The following FCHSD2 variants were observed in gnomAD, a reference collection of about 807,000 sequenced individuals.
FCHSD2 encodes the protein FCH and double SH3 domains 2, also known as F-BAR and double SH3 domains protein 2.
In FCHSD2, 38 loss-of-function variants were observed where a neutral mutation model predicts 108.1. That is an observed-to-expected ratio of 0.35 (90% CI 0.27 to 0.46). FCHSD2 has a LOEUF of 0.46. Among genes scored for constraint, FCHSD2 ranks in the 20% least tolerant of loss-of-function variants. The probability of loss-of-function intolerance (pLI) is 1.00; values close to 1 mark genes in which losing one functional copy is unlikely to be tolerated. For synonymous variants in FCHSD2, 279 were observed against 314.7 expected (o/e 0.89, Z 1.20); for missense variants, 751 against 897.8 (o/e 0.84, Z 2.09).
intron 2 of FCHSD2, among the ~76,000 whole-genome samples, chr11:73,096,987 A>AATTTTTTTTTTTTTTTTTTTTTTTT (rs1860095700): frequency 3.7e-5 from 1 of 27,020 alleles, no homozygotes; most frequent in African/African-American, 2.0e-4. Flanking sequence ...TCATTGATGG[A>AATTTTTTTTTTTTTTTTTTTTTTTT]TTTTTTTTTT....
At chr11:72,959,951 G>A (rs1309440463) in intron 8 of FCHSD2, among the ~76,000 whole-genome samples, 8 of 151,570 alleles carry the variant, frequency 5.3e-5, no homozygotes, top group Non-Finnish European at 1.2e-4. Flanking sequence ...TGAGGAAGAT[G>A]GTTTTAAAAG....
intron 8 of FCHSD2, among the ~76,000 whole-genome samples, chr11:72,958,601 G>A (rs1856760221): frequency 6.6e-6 from 1 of 152,102 alleles, no homozygotes; most frequent in Non-Finnish European, 1.5e-5. Flanking sequence ...TCTAATAAGT[G>A]AGTATTTCAA....
rs751804851 is a variant in FCHSD2 at position 73,073,511 on chromosome 11, A to G, written c.165+10184T>C. Among the ~76,000 whole-genome samples the G allele has an allele frequency of 2.1e-4, 32 of 152,178 alleles. 1 individual carries two copies. The highest frequency in any genetic ancestry group is 2.1e-3 in the Admixed American group (32 of 15,278). ...TACAAGTTTACTTTGCATGTGCTTG[A>G]GATAAAATTTTCCAAATTGCTGTCA... On this transcript the variant is annotated intron_variant, in intron 3 of 19. Transcript: ENST00000409418.
chr11:72,843,439 A>G lies in FCHSD2; in HGVS notation c.1527+10T>C, dbSNP rs1861028417. On this transcript the variant is annotated intron_variant, in intron 15 of 19. Coordinates refer to ENST00000409418, the MANE Select transcript of FCHSD2 (RefSeq NM_014824.3). ...TCACAAGAAAGGGCGATATGAGCAA[A>G]GGAATATACCTTTACCCAGTCTTCC... is the stretch of plus-strand genomic sequence containing the variant. 6.2e-7 allele frequency: 1 copy of G among 1,610,554 alleles called. No homozygotes were observed. Among genetic ancestry groups the G allele is most frequent in the Non-Finnish European group, 8.5e-7 (1 of 1,176,684 alleles).
intron 10 of FCHSD2, among the ~76,000 whole-genome samples, chr11:72,893,618 T>C (rs1468994647): frequency 2.0e-5 from 3 of 152,122 alleles, no homozygotes; most frequent in Non-Finnish European, 4.4e-5. Flanking sequence ...CCCAGCCCAA[T>C]ATTTTTCCTT....
At chr11:73,096,537 CAAAGGAAAGG>C (rs1279443176) in intron 2 of FCHSD2, among the ~76,000 whole-genome samples, 8 of 151,492 alleles carry the variant, frequency 5.3e-5, no homozygotes, top group Middle Eastern at 6.8e-3. Context: ...GGTGGCAGAG[CAAAGGAAAGG>C]AAAGGAAAGG....
At chr11:72,846,658 T>A (rs1280360115) in intron 14 of FCHSD2, among the ~76,000 whole-genome samples, 1 of 152,206 alleles carries the variant, frequency 6.6e-6, no homozygotes, top group East Asian at 1.9e-4. Context: ...CATACTCTCA[T>A]ACTGTCTCCT....
chr11:73,091,557 G>C (rs1487205486), intron 2 of FCHSD2, among the ~76,000 whole-genome samples: 1 of 150,948 alleles, frequency 6.6e-6, no homozygotes, highest in African/African-American at 2.4e-5. Context: ...TCAAAAAAAA[G>C]AAAAAAGAAA....
intron 8 of FCHSD2, among the ~76,000 whole-genome samples, chr11:72,966,485 A>G (rs1433171799): frequency 6.6e-6 from 1 of 152,140 alleles, no homozygotes; most frequent in Non-Finnish European, 1.5e-5. Flanking sequence ...ACTTTGTTAT[A>G]CTAATACGGG....
At chr11:73,005,400 G>A (rs1317592769) in intron 4 of FCHSD2, among the ~76,000 whole-genome samples, 9 of 151,972 alleles carry the variant, frequency 5.9e-5, no homozygotes, top group Admixed American at 4.6e-4. Flanking sequence ...TCTATTACTC[G>A]ACCTATCAGC....
At chr11:72,866,359 TC>T (rs1055392627) in intron 13 of FCHSD2, among the ~76,000 whole-genome samples, 10 of 152,172 alleles carry the variant, frequency 6.6e-5, no homozygotes, top group African/African-American at 2.4e-4. Context: ...AACCTCTGCC[TC>T]CCGGGTTCAA....
chr11:72,899,753 A>AAAAG (rs1375280772), intron 10 of FCHSD2, among the ~76,000 whole-genome samples: 3 of 151,044 alleles, frequency 2.0e-5, no homozygotes, highest in Admixed American at 6.6e-5. Context: ...AAAAAAAAAA[A>AAAAG]AAAAAGACTT....
At chr11:73,021,135 C>A (rs1024425148) in intron 3 of FCHSD2, among the ~76,000 whole-genome samples, 4 of 151,974 alleles carry the variant, frequency 2.6e-5, no homozygotes, top group Non-Finnish European at 5.9e-5. Context: ...CCTCTGCCTC[C>A]CAAAGGGCTG....
At chr11:72,952,418 G>T (rs1033986169) in intron 8 of FCHSD2, among the ~76,000 whole-genome samples, 1 of 151,672 alleles carries the variant, frequency 6.6e-6, no homozygotes, top group Non-Finnish European at 1.5e-5. Context: ...TCCGCCTCCC[G>T]GGTTCAAGTG....
chr11:72,891,818 G>C (rs763057088), intron 10 of FCHSD2, among the ~76,000 whole-genome samples: 1 of 152,122 alleles, frequency 6.6e-6, no homozygotes, highest in Non-Finnish European at 1.5e-5. Flanking sequence ...TATCTCCATA[G>C]GGTTGGTAGG....
At chr11:73,067,533 T>G (rs912824027) in intron 3 of FCHSD2, among the ~76,000 whole-genome samples, 18 of 151,254 alleles carry the variant, frequency 1.2e-4, no homozygotes, top group Middle Eastern at 6.8e-3. Context: ...TAAAAAACAA[T>G]TTGAACTTCC....
chr11:72,876,452 A>G (rs1387260125), intron 12 of FCHSD2, among the ~76,000 whole-genome samples: 1 of 152,260 alleles, frequency 6.6e-6, no homozygotes, highest in Non-Finnish European at 1.5e-5. Context: ...CTGTGTTTGA[A>G]CAACATAATC....
chr11:73,057,688 T>C (rs574628252), intron 3 of FCHSD2, among the ~76,000 whole-genome samples: 76 of 152,096 alleles, frequency 5.0e-4, no homozygotes, highest in Non-Finnish European at 9.1e-4. Flanking sequence ...TTATTCATCA[T>C]CAACAAAACC....
intron 2 of FCHSD2, among the ~76,000 whole-genome samples, chr11:73,111,973 G>GT (rs1418608827): frequency 6.6e-6 from 1 of 152,074 alleles, no homozygotes; most frequent in African/African-American, 2.4e-5. Context: ...AGCTGTTGTA[G>GT]TTAATATTTT....
Sources: gnomAD v4.1 joint callset for allele counts (sites outside exome capture counted in the v4.1 genomes callset) on GRCh38, gnomAD v4.1.1 for gene constraint, MANE v1.5 for transcripts, NCBI Gene and HGNC (gene_info 2026-07-23, HGNC 2026-07-21) for gene names.